SEMA3A: variants seen among roughly 807,000 people sequenced by gnomAD.
SEMA3A encodes semaphorin 3A.
In SEMA3A, 29 loss-of-function variants were observed where a neutral mutation model predicts 97.9. The observed-to-expected ratio is 0.30, with a 90% CI of 0.22 to 0.40. The LOEUF (loss-of-function observed/expected upper bound fraction) is 0.40, where lower values mean the gene tolerates loss of function less well. Among genes scored for constraint, SEMA3A ranks in the 10% least tolerant of loss-of-function variants. The pLI is 1.00. For synonymous variants in SEMA3A, 321 were observed against 323.7 expected, an observed-to-expected ratio of 0.99 and a Z score of 0.09; for missense variants, 763 against 951.3, an observed-to-expected ratio of 0.80 and a Z score of 2.60.
chr7:83,967,476 C>T (rs1372377736), intron 15 of SEMA3A, among the ~76,000 whole-genome samples: 1 of 152,098 alleles, frequency 6.6e-6, no homozygotes, highest in South Asian at 2.1e-4. Context: ...TCAATTTTGC[C>T]GGGCATGGTG....
At chr7:84,095,351 T>TTATATACACATATA (rs1794736183) in intron 4 of SEMA3A, among the ~76,000 whole-genome samples, 2 of 29,624 alleles carry the variant, frequency 6.8e-5, no homozygotes, top group African/African-American at 9.8e-5. Flanking sequence ...TTTATATTTT[T>TTATATACACATATA]TATATACATA....
At chr7:84,284,026 C>T (rs181245165) in intron 3 of SEMA3A, among the ~76,000 whole-genome samples, 26 of 152,138 alleles carry the variant, frequency 1.7e-4, no homozygotes, top group African/African-American at 4.8e-4. Flanking sequence ...AATGCTAAGT[C>T]GCATACAAAA....
intron 1 of SEMA3A, among the ~76,000 whole-genome samples, chr7:84,171,187 G>T (rs779735607): frequency 7.2e-5 from 11 of 152,068 alleles, no homozygotes; most frequent in Non-Finnish European, 1.5e-4. Flanking sequence ...GCTTATTTCT[G>T]AAGCAACATA....
chr7:84,257,090 G>A (rs553954888), intron 3 of SEMA3A, among the ~76,000 whole-genome samples: 1 of 151,948 alleles, frequency 6.6e-6, no homozygotes, highest in East Asian at 1.9e-4. Flanking sequence ...TCTCCACAAT[G>A]TTCCATGAAT....
intron 16 of SEMA3A, among the ~76,000 whole-genome samples, chr7:83,962,912 A>ACAATTT (rs1204755476): frequency 6.6e-6 from 1 of 152,192 alleles, no homozygotes; most frequent in Non-Finnish European, 1.5e-5. Context: ...TATAAATAAC[A>ACAATTT]CAATTTCTTT....
intron 3 of SEMA3A, among the ~76,000 whole-genome samples, chr7:84,200,856 T>G (rs906827725): frequency 2.0e-5 from 3 of 151,778 alleles, no homozygotes; most frequent in African/African-American, 7.3e-5. Flanking sequence ...CAAGAAAGTT[T>G]TCAAGTGAGA....
chr7:84,119,666 G>A (rs1366003502), intron 3 of SEMA3A, among the ~76,000 whole-genome samples: 2 of 152,110 alleles, frequency 1.3e-5, no homozygotes, highest in African/African-American at 4.8e-5. Flanking sequence ...AAAATATGAT[G>A]GACAGTGTAC....
At chr7:84,310,317 G>A (rs1343541584) in intron 2 of SEMA3A, among the ~76,000 whole-genome samples, 1 of 151,230 alleles carries the variant, frequency 6.6e-6, no homozygotes, top group African/African-American at 2.4e-5. Context: ...GGGAAATTAT[G>A]TGAGCCAAGC....
chr7:84,005,611 T>A, intron 10 of SEMA3A, 53 bp from the exon 11 acceptor site: 2 of 1,179,138 alleles, frequency 1.7e-6, no homozygotes, highest in Non-Finnish European at 2.4e-6. Flanking sequence ...TAAACATAAT[T>A]ATAAATTATA....
intron 1 of SEMA3A, among the ~76,000 whole-genome samples, chr7:84,374,120 T>C (rs867179892): frequency 2.4e-4 from 37 of 152,212 alleles, no homozygotes; most frequent in African/African-American, 8.7e-4. Flanking sequence ...ACAATGTAAA[T>C]AGAGAATGAA....
At chr7:84,149,734 T>C (rs1422202926) in intron 1 of SEMA3A, among the ~76,000 whole-genome samples, 2 of 152,218 alleles carry the variant, frequency 1.3e-5, no homozygotes, top group Non-Finnish European at 2.9e-5. Context: ...AATGTTAAAA[T>C]TACAAGTCAT....
At chr7:84,413,576 T>A (rs773772524) in intron 1 of SEMA3A, among the ~76,000 whole-genome samples, 6 of 152,110 alleles carry the variant, frequency 3.9e-5, no homozygotes, top group African/African-American at 7.2e-5. Flanking sequence ...TGTGGTGAGC[T>A]GTGATCATGC....
intron 4 of SEMA3A, among the ~76,000 whole-genome samples, chr7:84,098,069 C>A (rs193010954): frequency 5.9e-5 from 9 of 151,994 alleles, no homozygotes; most frequent in Admixed American, 5.2e-4. Flanking sequence ...GTATGACCAT[C>A]TTCTGATATT....
intron 1 of SEMA3A, among the ~76,000 whole-genome samples, chr7:84,400,405 A>G (rs1803870088): frequency 6.6e-6 from 1 of 152,208 alleles, no homozygotes; most frequent in South Asian, 2.1e-4. Flanking sequence ...GATGGAAGGA[A>G]TCCATAAATT....
intron 2 of SEMA3A, among the ~76,000 whole-genome samples, chr7:84,354,510 T>G (rs1180204791): frequency 1.3e-5 from 2 of 151,580 alleles, no homozygotes; most frequent in Non-Finnish European, 3.0e-5. Flanking sequence ...ATAGATTATT[T>G]TAGGAGAATT....
chr7:84,141,002 C>T (rs900419513), intron 1 of SEMA3A, among the ~76,000 whole-genome samples: 3 of 152,052 alleles, frequency 2.0e-5, no homozygotes, highest in African/African-American at 7.2e-5. Flanking sequence ...CTTTATTTCA[C>T]CAAGGACTAG....
At chr7:84,427,137 A>G (rs892274320) in intron 1 of SEMA3A, among the ~76,000 whole-genome samples, 3 of 152,056 alleles carry the variant, frequency 2.0e-5, no homozygotes, top group Non-Finnish European at 2.9e-5. Flanking sequence ...CCTTTTCTCT[A>G]TATTTCCTAG....
At chr7:84,445,622 C>G (rs1486300729) in intron 1 of SEMA3A, among the ~76,000 whole-genome samples, 1 of 149,908 alleles carries the variant, frequency 6.7e-6, no homozygotes, top group African/African-American at 2.4e-5. Flanking sequence ...CTTAAACAAC[C>G]AATGGATCAA....
At chr7:84,464,534 C>T (rs958870065) in intron 1 of SEMA3A, among the ~76,000 whole-genome samples, 4 of 152,122 alleles carry the variant, frequency 2.6e-5, no homozygotes, top group Admixed American at 2.6e-4. Context: ...AACGAAAGAA[C>T]TCCTTGAGTG....
Sources: gnomAD v4.1 joint callset for allele counts (sites outside exome capture counted in the v4.1 genomes callset) on GRCh38, gnomAD v4.1.1 for gene constraint, MANE v1.5 for transcripts, NCBI Gene and HGNC (gene_info 2026-07-23, HGNC 2026-07-21) for gene names.